The following SRD5A2 variants were observed in gnomAD, a reference collection of about 807,000 sequenced individuals.
The protein encoded by SRD5A2 is steroid 5 alpha-reductase 2.
SRD5A2 carries 30 observed loss-of-function variants against 27.4 expected under a neutral mutation model. The observed-to-expected ratio is 1.10, with a 90% CI of 0.82 to 1.49. The LOEUF (loss-of-function observed/expected upper bound fraction) is 1.49, where lower values mean the gene tolerates loss of function less well. SRD5A2 is among the 40% of genes most tolerant of loss of function. The pLI, the probability that SRD5A2 is intolerant of heterozygous loss-of-function variation, is 0.00. For synonymous variants in SRD5A2, 141 were observed against 133.6 expected (o/e 1.06, Z -0.38); for missense variants, 348 against 323.4 (o/e 1.08, Z -0.58).
the SRD5A2 span, among the ~76,000 whole-genome samples, chr2:31,604,150 A>G: frequency 1.3e-5 from 2 of 151,872 alleles, no homozygotes; most frequent in African/African-American, 4.8e-5. Context: ...CAAAAGCTAT[A>G]TATGACAGAC....
the SRD5A2 span, among the ~76,000 whole-genome samples, chr2:31,649,232 T>A: frequency 6.6e-6 from 1 of 152,208 alleles, no homozygotes; most frequent in Non-Finnish European, 1.5e-5. Context: ...AAGAAGAGAA[T>A]GACTATTTTC....
At chr2:31,614,553 G>A in the SRD5A2 span, among the ~76,000 whole-genome samples, 19 of 152,306 alleles carry the variant, frequency 1.2e-4, no homozygotes, top group East Asian at 1.2e-3. Flanking sequence ...TCTGGGGTCC[G>A]TAGGACAGTG....
the SRD5A2 span, among the ~76,000 whole-genome samples, chr2:31,604,461 A>G: frequency 6.6e-6 from 1 of 151,954 alleles, no homozygotes. Context: ...GTTAAGTTGC[A>G]GAATACAAAA....
At chr2:31,536,708 G>A (rs996605077) in intron 1 of SRD5A2, among the ~76,000 whole-genome samples, 1 of 150,738 alleles carries the variant, frequency 6.6e-6, no homozygotes, top group South Asian at 2.1e-4. Flanking sequence ...TTGTTTCACT[G>A]TAGAAAAAGA....
the SRD5A2 span, among the ~76,000 whole-genome samples, chr2:31,608,600 A>T: frequency 1.1e-4 from 17 of 151,970 alleles, no homozygotes; most frequent in African/African-American, 3.9e-4. Flanking sequence ...TTAATATATA[A>T]AATAAGTTGT....
rs777665703 is a variant in SRD5A2 at position 31,523,343 on chromosome 2, C to G, written c.*2853G>C. ...GCACTTAAGCTCTGGCTATTTTTCT[C>G]CTGCATGAGCTCTGTAGAAATCCAG... On this transcript the variant is annotated 3_prime_UTR_variant, in exon 5 of 5. Transcript: ENST00000622030. 1.1e-4 allele frequency: 24 copies of G among 213,832 alleles called. No homozygotes were observed. The highest frequency in any genetic ancestry group is 1.8e-4 in the Non-Finnish European group (19 of 105,834). 13.2% of individuals were successfully genotyped at this position (213,832 alleles called of 1,614,324 possible). A position where few individuals can be genotyped will look rare whatever the true frequency, so the allele number is the denominator to read the frequency against.
the SRD5A2 span, among the ~76,000 whole-genome samples, chr2:31,588,719 G>C: frequency 1 from 152,358 of 152,358 alleles, 76,179 homozygotes; most frequent in Non-Finnish European, 1. Flanking sequence ...AAAACAAACT[G>C]GTAATAGTAA....
At chr2:31,561,832 A>G (rs998726984) in intron 1 of SRD5A2, among the ~76,000 whole-genome samples, 1 of 152,176 alleles carries the variant, frequency 6.6e-6, no homozygotes, top group Non-Finnish European at 1.5e-5. Context: ...ATCAAAATCA[A>G]AGAGAATCAG....
At chr2:31,632,159 A>C in the SRD5A2 span, among the ~76,000 whole-genome samples, 1 of 152,142 alleles carries the variant, frequency 6.6e-6, no homozygotes, top group Non-Finnish European at 1.5e-5. Flanking sequence ...AAAACTTAGA[A>C]ACCCTATTGA....
the SRD5A2 span, among the ~76,000 whole-genome samples, chr2:31,620,756 G>C: frequency 6.6e-6 from 1 of 150,850 alleles, no homozygotes; most frequent in Non-Finnish European, 1.5e-5. Flanking sequence ...GCCATCTAGA[G>C]GAAAGGATGG....
chr2:31,626,346 T>A, the SRD5A2 span, among the ~76,000 whole-genome samples: 1 of 152,174 alleles, frequency 6.6e-6, no homozygotes, highest in Admixed American at 6.5e-5. Context: ...GGATACCCTT[T>A]ATTTCTTTCT....
chr2:31,548,092 A>G (rs999251947), intron 1 of SRD5A2, among the ~76,000 whole-genome samples: 17 of 152,240 alleles, frequency 1.1e-4, no homozygotes, highest in African/African-American at 4.1e-4. Context: ...AGAAAAATTA[A>G]CTCAAAATTG....
the SRD5A2 span, among the ~76,000 whole-genome samples, chr2:31,593,385 G>A: frequency 6.6e-6 from 1 of 151,832 alleles, no homozygotes; most frequent in Non-Finnish European, 1.5e-5. Context: ...TTAAAGACAG[G>A]CAAAATACAC....
the SRD5A2 span, among the ~76,000 whole-genome samples, chr2:31,614,004 G>C: frequency 6.6e-6 from 1 of 152,164 alleles, no homozygotes; most frequent in Non-Finnish European, 1.5e-5. Flanking sequence ...GATAAGATTT[G>C]GGTGGGAACA....
the SRD5A2 span, among the ~76,000 whole-genome samples, chr2:31,638,352 G>A: frequency 4.6e-5 from 7 of 152,076 alleles, no homozygotes; most frequent in Admixed American, 2.0e-4. Flanking sequence ...TCTAAGATAC[G>A]GTCTATTCTG....
chr2:31,606,044 C>T, the SRD5A2 span, among the ~76,000 whole-genome samples: 1 of 151,842 alleles, frequency 6.6e-6, no homozygotes, highest in Non-Finnish European at 1.5e-5. Context: ...ATAAGTCAGA[C>T]ACAGAAAGAC....
At chr2:31,589,848 T>C in the SRD5A2 span, among the ~76,000 whole-genome samples, 3 of 151,970 alleles carry the variant, frequency 2.0e-5, no homozygotes, top group African/African-American at 7.3e-5. Flanking sequence ...GCTTTCTCAG[T>C]GGGAAGGATT....
chr2:31,654,479 T>C, the SRD5A2 span, among the ~76,000 whole-genome samples: 1 of 152,112 alleles, frequency 6.6e-6, no homozygotes, highest in Non-Finnish European at 1.5e-5. Flanking sequence ...TGCTGGGGGA[T>C]CCAAAGCAGA....
chr2:31,533,820 C>A (rs889533597), intron 1 of SRD5A2, 54 bp from the exon 2 acceptor site: 6 of 1,542,754 alleles, frequency 3.9e-6, no homozygotes, highest in Middle Eastern at 2.0e-4. Context: ...AGAACATGGT[C>A]TCATCCCCAC....
Sources: gnomAD v4.1 joint callset for allele counts (sites outside exome capture counted in the v4.1 genomes callset) on GRCh38, gnomAD v4.1.1 for gene constraint, MANE v1.5 for transcripts, NCBI Gene and HGNC (gene_info 2026-07-23, HGNC 2026-07-21) for gene names.